The following CDK14 variants were observed in gnomAD, a reference collection of about 807,000 sequenced individuals.
CDK14 encodes the protein cyclin-dependent kinase 14.
A neutral mutation model predicts 60.7 loss-of-function variants in CDK14; 34 were observed. That is an observed-to-expected ratio of 0.56 (90% CI 0.43 to 0.75). The LOEUF is 0.75. Ranked by LOEUF, CDK14 falls within the 30% of genes least tolerant of loss-of-function variation. CDK14 has a pLI of 0.00. For missense variants in CDK14, 482 were observed against 564.1 expected (o/e 0.85, Z 1.47); for synonymous variants, 197 against 203.7 (o/e 0.97, Z 0.28).
rs369920349 is a variant in CDK14, at chr7:91,147,143, C to CTG, written c.*28+28936_*28+28937insGT. ...CACCTCCACTAGCACCTCTCTCTGT[C>CTG]TCTCTCTCTCTCTCTCTCTCACACA... On this transcript the variant is annotated intron_variant, in intron 14 of 14. Transcript: ENST00000380050. 2.8e-3 allele frequency among the ~76,000 whole-genome samples: 258 copies of CTG among 92,276 alleles called. 1 individual carries two copies. In the East Asian group the frequency reaches 0.028, roughly 10 times the overall value. 60.5% of individuals were successfully genotyped at this position (92,276 alleles called of 152,430 possible). A position where few individuals can be genotyped will look rare whatever the true frequency, so the allele number is the denominator to read the frequency against.
At chr7:90,628,801 C>G (rs1430703061) in intron 2 of CDK14, among the ~76,000 whole-genome samples, 1 of 152,104 alleles carries the variant, frequency 6.6e-6, no homozygotes, top group Non-Finnish European at 1.5e-5. Flanking sequence ...ACACCCACCA[C>G]TGCACTCCAG....
chr7:90,773,878 TCTC>T, intron 4 of CDK14, among the ~76,000 whole-genome samples: 1 of 105,846 alleles, frequency 9.4e-6, no homozygotes, highest in Non-Finnish European at 1.8e-5. Flanking sequence ...TCTCCTCTCC[TCTC>T]CTCTCCTCTC....
chr7:90,937,267 G>A (rs1003130968), intron 8 of CDK14, among the ~76,000 whole-genome samples: 5 of 151,942 alleles, frequency 3.3e-5, no homozygotes, highest in African/African-American at 9.7e-5. Context: ...GCTGATTTTC[G>A]TTTTCTTCTT....
chr7:90,974,882 G>A (rs561433796), intron 9 of CDK14, among the ~76,000 whole-genome samples: 1 of 152,140 alleles, frequency 6.6e-6, no homozygotes, highest in East Asian at 1.9e-4. Flanking sequence ...ACATTACAAG[G>A]CATATTAGCT....
intron 2 of CDK14, among the ~76,000 whole-genome samples, chr7:90,615,851 T>A (rs1204232166): frequency 1.3e-5 from 2 of 152,260 alleles, no homozygotes; most frequent in East Asian, 3.9e-4. Flanking sequence ...TTGGTGCAGG[T>A]CTCTTCACTT....
intron 10 of CDK14, among the ~76,000 whole-genome samples, chr7:91,026,391 G>C (rs1415435667): frequency 6.6e-6 from 1 of 152,198 alleles, no homozygotes; most frequent in Non-Finnish European, 1.5e-5. Context: ...GCAATGTTTT[G>C]TGATGTGTTG....
intron 14 of CDK14, among the ~76,000 whole-genome samples, chr7:91,164,144 G>A (rs552824806): frequency 1.3e-5 from 2 of 152,248 alleles, no homozygotes; most frequent in African/African-American, 4.8e-5. Context: ...CACACTAAAT[G>A]TCCAATAATA....
chr7:90,755,329 T>C (rs1251405513), intron 4 of CDK14, among the ~76,000 whole-genome samples: 1 of 152,226 alleles, frequency 6.6e-6, no homozygotes. Flanking sequence ...TGGATGCAGC[T>C]GGAGGCCATT....
chr7:91,024,736 A>T (rs769327666), intron 10 of CDK14, among the ~76,000 whole-genome samples: 1 of 152,202 alleles, frequency 6.6e-6, no homozygotes, highest in African/African-American at 2.4e-5. Context: ...CCTTTCCATG[A>T]TCATGTGACT....
chr7:90,645,177 T>A (rs908748939), intron 2 of CDK14, among the ~76,000 whole-genome samples: 4 of 152,192 alleles, frequency 2.6e-5, no homozygotes, highest in African/African-American at 9.7e-5. Flanking sequence ...GTATATATAT[T>A]TTACACATTA....
intron 7 of CDK14, among the ~76,000 whole-genome samples, chr7:90,917,127 G>A (rs993532502): frequency 6.6e-6 from 1 of 152,228 alleles, no homozygotes; most frequent in Non-Finnish European, 1.5e-5. Context: ...ATTCCTTAAA[G>A]CATGTTAATG....
At chr7:91,152,438 TTATC>T (rs1800852747) in intron 14 of CDK14, among the ~76,000 whole-genome samples, 1 of 152,254 alleles carries the variant, frequency 6.6e-6, no homozygotes, top group Non-Finnish European at 1.5e-5. Flanking sequence ...GCTTTAATAT[TTATC>T]TAATTCATTT....
chr7:90,843,688 G>C (rs3802025), intron 5 of CDK14, among the ~76,000 whole-genome samples: 70,886 of 151,864 alleles, frequency 0.47, 17,283 homozygotes, highest in East Asian at 0.85. Flanking sequence ...CACATAATCT[G>C]TGCATAGCAG....
chr7:90,722,399 T>G (rs1802490043), intron 2 of CDK14, among the ~76,000 whole-genome samples: 1 of 151,856 alleles, frequency 6.6e-6, no homozygotes, highest in Admixed American at 6.6e-5. Flanking sequence ...AGAGACAGGG[T>G]TTTTCCACGT....
chr7:90,644,957 G>C (rs1453471288), intron 2 of CDK14, among the ~76,000 whole-genome samples: 4 of 152,158 alleles, frequency 2.6e-5, no homozygotes, highest in African/African-American at 9.7e-5. Flanking sequence ...TAAGGTAGAT[G>C]GTTATGAATT....
At chr7:91,094,213 C>T (rs184734438) in intron 12 of CDK14, among the ~76,000 whole-genome samples, 12 of 152,102 alleles carry the variant, frequency 7.9e-5, no homozygotes, top group African/African-American at 2.7e-4. Context: ...AATTATGAGA[C>T]CTTTTTCATA....
At chr7:91,170,187 G>A (rs1308144478) in intron 14 of CDK14, among the ~76,000 whole-genome samples, 1 of 152,144 alleles carries the variant, frequency 6.6e-6, no homozygotes, top group African/African-American at 2.4e-5. Context: ...TTCCCCGTGT[G>A]TTCACAGATA....
intron 2 of CDK14, among the ~76,000 whole-genome samples, chr7:90,640,191 G>A (rs10953013): frequency 0.31 from 46,894 of 151,796 alleles, 8,146 homozygotes; most frequent in East Asian, 0.67. Context: ...TGGAAATGCA[G>A]AAATCACCCG....
At chr7:90,870,181 G>T (rs1460086706) in intron 6 of CDK14, among the ~76,000 whole-genome samples, 1 of 152,202 alleles carries the variant, frequency 6.6e-6, no homozygotes, top group Non-Finnish European at 1.5e-5. Flanking sequence ...AAGAGATCAT[G>T]TCCTTTGCAG....
Sources: allele counts gnomAD v4.1 joint callset (sites outside exome capture counted in the v4.1 genomes callset), GRCh38; gene constraint gnomAD v4.1.1; transcripts MANE v1.5; gene names NCBI Gene and HGNC (gene_info 2026-07-23, HGNC 2026-07-21).